Variants in XPC observed in about 807,000 individuals in gnomAD.
The protein encoded by XPC is XPC complex subunit, DNA damage recognition and repair factor.
A neutral mutation model predicts 95.8 loss-of-function variants in XPC; 76 were observed. The ratio of observed to expected loss-of-function variants is 0.79; its 90% CI spans 0.66 to 0.96. XPC has a LOEUF of 0.96. XPC is among the 40% of genes least tolerant of loss of function. The pLI is 0.00. For missense variants in XPC, 1,146 were observed against 1,179.8 expected (o/e 0.97, Z 0.42); for synonymous variants, 442 against 442.1 (o/e 1.00, Z 0.00).
Position 14,152,399 on chromosome 3 carries a change from A to C in XPC, c.2051T>G (p.Leu684Arg). The change falls in exon 11 of 16, where the codon CTG becomes CGG. Residue 684 changes from leucine to arginine, a missense_variant. Leu to Arg is a moderately radical substitution (Grantham distance 102). Coordinates refer to ENST00000285021, the MANE Select transcript of XPC (RefSeq NM_004628.5). ...CTTCAGCCACGTGTCCCTGGAATGC[A>C]GAGTGTGCACACAATCCCTGTGGAA... ...AVYSRDCVHT[L>R]HSRDTWLKKA... The C allele has an allele frequency of 6.2e-7, 1 of 1,612,484 alleles. No homozygotes were observed. The highest frequency in any genetic ancestry group is 8.5e-7 in the Non-Finnish European group (1 of 1,179,298).
intron 1 of XPC, among the ~76,000 whole-genome samples, chr3:14,177,680 G>A (rs529665986): frequency 1.4e-5 from 2 of 146,282 alleles, no homozygotes; most frequent in East Asian, 4.0e-4. Context: ...AAACCAAGGG[G>A]AGTTTAAAGC....
At chr3:14,152,160 A>C (rs1695717497) in intron 11 of XPC, 175 bp downstream of exon 11, 5 of 561,672 alleles carry the variant, frequency 8.9e-6, no homozygotes. Flanking sequence ...TTAATAAGAC[A>C]ATTTAAATGT....
Position 14,148,516 on chromosome 3 carries a change from C to T in XPC, c.2420+46G>A, listed in dbSNP as rs1399604676. 6.2e-7 allele frequency: 1 copy of T among 1,601,732 alleles called. No homozygotes were observed. The highest frequency in any genetic ancestry group is 8.5e-7 in the Non-Finnish European group (1 of 1,175,604). On this transcript the variant is annotated intron_variant, in intron 13 of 15. Coordinates refer to ENST00000285021, the MANE Select transcript of XPC (RefSeq NM_004628.5). ...TTCCATCCCCATCTCTGGAGCCACC[C>T]CTCCCCATCCCTGTGTTTAGCCTCC...
intron 10 of XPC, among the ~76,000 whole-genome samples, chr3:14,155,330 C>T (rs1243330910): frequency 6.6e-6 from 1 of 152,222 alleles, no homozygotes; most frequent in Non-Finnish European, 1.5e-5. Flanking sequence ...TCTCCTATTT[C>T]TTGGTCTTGT....
At chr3:14,162,424 G>T (rs2125031967) in intron 7 of XPC, among the ~76,000 whole-genome samples, 1 of 152,306 alleles carries the variant, frequency 6.6e-6, no homozygotes, top group South Asian at 2.1e-4. Flanking sequence ...ACTGGCGTAA[G>T]AACAGACATG....
chr3:14,156,368 AG>A lies in XPC; in HGVS notation c.1999del (p.Tyr669IlefsTer23). The A allele has an allele frequency of 1.2e-6, 2 of 1,613,930 alleles. No individual in the cohort carries two copies. Among genetic ancestry groups the A allele is most frequent in the Non-Finnish European group, 1.7e-6 (2 of 1,179,862 alleles). ...GACCGCTTCTCCACGACAATACCCA[AG>A]GATGGCAGCTGTCTCGGGATAGATG... ...EAIYPETAAI[L>X]GYCRGEAVYS... On this transcript the variant is annotated frameshift_variant, in exon 10 of 16. Coordinates refer to ENST00000285021, the MANE Select transcript of XPC (RefSeq NM_004628.5). LOFTEE classifies it high-confidence loss of function.
chr3:14,146,269 T>C (rs1238844501), intron 15 of XPC, 110 bp from the exon 16 acceptor site: 1 of 1,033,026 alleles, frequency 9.7e-7, no homozygotes, highest in Non-Finnish European at 1.4e-6. Flanking sequence ...TGTGTAACTC[T>C]GGGAGGACAA....
At chr3:14,157,403 ACCACTG>A (rs1357420625) in intron 9 of XPC, among the ~76,000 whole-genome samples, 1 of 151,960 alleles carries the variant, frequency 6.6e-6, no homozygotes, top group African/African-American at 2.4e-5. Context: ...ACCCACCACC[ACCACTG>A]CCATACACAC....
intron 9 of XPC, 123 bp from the exon 10 acceptor site, chr3:14,156,618 C>G (rs537220290): frequency 2.5e-5 from 34 of 1,359,396 alleles, no homozygotes; most frequent in Non-Finnish European, 3.3e-5. Flanking sequence ...TTCATGAACA[C>G]TAATGGTTTT....
chr3:14,150,951 G>T (rs937542513), intron 11 of XPC, among the ~76,000 whole-genome samples: 2 of 152,172 alleles, frequency 1.3e-5, no homozygotes, highest in Admixed American at 6.5e-5. Context: ...AAAGGCGCTG[G>T]CCAAGGTGGG....
Position 14,165,561 on chromosome 3 carries a change from T to C in XPC, c.646A>G (p.Asn216Asp). 1.9e-6 allele frequency: 3 copies of C among 1,613,240 alleles called. No individual in the cohort carries two copies. The highest frequency in any genetic ancestry group is 2.5e-6 in the Non-Finnish European group (3 of 1,179,694). ...CAGATGTTATTTCGATAGAAGCCAT[T>C]TGCTAGCAGGCAGAGAAGGTGAACC... is the stretch of plus-strand genomic sequence containing the variant. ...HKVHLLCLLA[N>D]GFYRNNICSQ... Residue 216 changes from asparagine to aspartate, a missense_variant, in exon 6 of 16, where the codon AAT (asparagine) becomes GAT (aspartate). Physicochemically the swap from Asn to Asp is conservative, Grantham distance 23 (BLOSUM62 1). Coordinates refer to ENST00000285021, the MANE Select transcript of XPC (RefSeq NM_004628.5).
rs1298198107 is a variant in XPC at position 14,158,397 on chromosome 3, T to C, written c.1486A>G (p.Ser496Gly). The C allele has an allele frequency of 1.9e-6, 3 of 1,613,782 alleles. No homozygotes were observed. ...GAGCTTGAGGATGCCGCTGGCAAGC[T>C]TGGGTCCTTACGATGGCTCCCACGA... ...THRGSHRKDP[S>G]LPAASSSSSS... The change falls in exon 9 of 16, where the codon AGC (serine) becomes GGC (glycine). Residue 496 changes from serine to glycine, a missense_variant. By Grantham distance (56) the Ser-to-Gly change is moderately conservative. Transcript: ENST00000285021. This position sits in a 1 kb window ranked among gnomAD's most constrained non-coding sequence, Gnocchi z 5.2.
Position 14,158,582 on chromosome 3 carries a change from CTCTCCTCTT to C in XPC, c.1292_1300del (p.Lys431_Glu433del). 6.2e-7 allele frequency: 1 copy of C among 1,613,694 alleles called. No homozygotes were observed. The highest frequency in any genetic ancestry group is 1.1e-5 in the South Asian group (1 of 91,084). ...GCCGCTGCCAGCCTCATCACTCCCA[CTCTCCTCTT>C]TATAAGACACCCTGGAGGCCACCCG... On this transcript the variant is annotated inframe_deletion, in exon 9 of 16. Coordinates refer to ENST00000285021, the MANE Select transcript of XPC (RefSeq NM_004628.5). The surrounding 1 kb of genome is among the most constrained non-coding windows in gnomAD (Gnocchi z 5.2).
intron 9 of XPC, 134 bp from the exon 10 acceptor site, chr3:14,156,629 G>T (rs1462718546): frequency 1.1e-5 from 13 of 1,214,838 alleles, no homozygotes; most frequent in Non-Finnish European, 1.5e-5. Context: ...TAATGGTTTT[G>T]TAACATCGCA....
Position 14,158,686 on chromosome 3 carries a change from G to A in XPC, c.1197C>T (p.Ser399=), listed in dbSNP as rs747977181. Reference sequence around the variant, plus strand: ...TGTCTCCTGGGCCCTCATCTTCCTCGCTGGAGGAGGGCTTGCTCCGTTTCT... The same window carrying A: ...TGTCTCCTGGGCCCTCATCTTCCTCACTGGAGGAGGGCTTGCTCCGTTTCT... The part of the protein sequence containing the change: ...GRKKRSKPSS[S]EEDEGPGDKQ... The change falls in exon 9 of 16, where the codon AGC becomes AGT. Residue 399 remains serine, a synonymous_variant. Coordinates refer to ENST00000285021, the MANE Select transcript of XPC (RefSeq NM_004628.5). This position sits in a 1 kb window ranked among gnomAD's most constrained non-coding sequence, Gnocchi z 5.2. The A allele has an allele frequency of 1.3e-5, 21 of 1,613,680 alleles. No homozygotes were observed. Among genetic ancestry groups the A allele is most frequent in the African/African-American group, 2.7e-5 (2 of 74,856 alleles).
At chr3:14,147,719 C>T in intron 14 of XPC, 189 bp downstream of exon 14, 1 of 612,356 alleles carries the variant, frequency 1.6e-6, no homozygotes, top group Non-Finnish European at 2.8e-6. Context: ...TCCTCAGGGA[C>T]AGTGATAGTC....
chr3:14,165,072 A>G lies in XPC; in HGVS notation c.780-139T>C, dbSNP rs3731115. 0.02 allele frequency: 25,494 copies of G among 1,301,430 alleles called. 1,463 individuals carry two copies. In the East Asian group the frequency reaches 0.21, roughly 11 times the overall value. 80.6% of individuals were successfully genotyped at this position (1,301,430 alleles called of 1,614,324 possible). Reference sequence around the variant, plus strand: ...CTACTTTCCCCAGCCCGTCTAGCTAACTCCTATCATCACTGCAGACCCAGC... The same window carrying G: ...CTACTTTCCCCAGCCCGTCTAGCTAGCTCCTATCATCACTGCAGACCCAGC... On this transcript the variant is annotated intron_variant, in intron 6 of 15. Coordinates refer to ENST00000285021, the MANE Select transcript of XPC (RefSeq NM_004628.5).
chr3:14,148,812 A>T lies in XPC; in HGVS notation c.2250+2T>A. On this transcript the variant is annotated splice_donor_variant, in intron 12 of 15. Transcript: ENST00000285021. LOFTEE classifies it high-confidence loss of function. ...CCTGAGCCCTTCTGATGCTGCCCTT[A>T]CCTTCCCGTCCACGGCCACTGGGGG... The T allele has an allele frequency of 6.2e-7, 1 of 1,613,744 alleles. No individual in the cohort carries two copies. Among genetic ancestry groups the T allele is most frequent in the Non-Finnish European group, 8.5e-7 (1 of 1,179,800 alleles).
rs1167748843 is a variant in XPC, at chr3:14,173,046, C to T, written c.120G>A (p.Glu40=). Reference sequence around the variant, plus strand: ...AGAGAAGGCTCTTCTTTGGGGGTTTCTCATCTTCAAAGGCATCTAGGTGAC... The same window carrying T: ...AGAGAAGGCTCTTCTTTGGGGGTTTTTCATCTTCAAAGGCATCTAGGTGAC... ...EEEEEDAFED[E]KPPKKSLLSK... is the part of the protein sequence containing the mutation. The change falls in exon 2 of 16, where the codon GAG becomes GAA. Residue 40 remains glutamate, a synonymous_variant. Transcript: ENST00000285021. 2 of 1,588,858 alleles carry T rather than the reference C, an allele frequency of 1.3e-6. No individual in the cohort carries two copies. Among genetic ancestry groups the T allele is most frequent in the Middle Eastern group, 1.7e-4 (1 of 5,962 alleles).
Sources: allele counts gnomAD v4.1 joint callset (sites outside exome capture counted in the v4.1 genomes callset), GRCh38; gene constraint gnomAD v4.1.1; non-coding constraint Gnocchi (gnomAD v3.1); transcripts MANE v1.5; gene names NCBI Gene and HGNC (gene_info 2026-07-23, HGNC 2026-07-21).